Variants in GTF2B observed in about 807,000 individuals in gnomAD.
GTF2B encodes general transcription factor IIB, also known as transcription initiation factor IIB.
In GTF2B, 20 loss-of-function variants were observed where a neutral mutation model predicts 34.6. That is an observed-to-expected ratio of 0.58 (90% CI 0.41 to 0.84). GTF2B has a LOEUF of 0.84. Ranked by LOEUF, GTF2B falls within the 40% of genes least tolerant of loss-of-function variation. GTF2B has a pLI of 0.00. For synonymous variants in GTF2B, 142 were observed against 132.4 expected, an observed-to-expected ratio of 1.07 and a Z score of -0.50; for missense variants, 237 against 393.3, an observed-to-expected ratio of 0.60 and a Z score of 3.36.
intron 2 of GTF2B, among the ~76,000 whole-genome samples, chr1:88,872,998 T>A (rs1673733616): frequency 6.6e-6 from 1 of 152,144 alleles, no homozygotes; most frequent in Non-Finnish European, 1.5e-5. Flanking sequence ...TACAGTTTTA[T>A]ATTCATAAGC....
intron 1 of GTF2B, chr1:88,888,124 ATTC>A (rs1382299711): frequency 6.6e-6 from 1 of 152,226 alleles, no homozygotes; most frequent in Admixed American, 6.5e-5. Context: ...ACAATCATAA[ATTC>A]TTGGTATCAC....
intron 2 of GTF2B, among the ~76,000 whole-genome samples, chr1:88,881,156 C>T (rs561205166): frequency 2.7e-4 from 38 of 142,526 alleles, no homozygotes; most frequent in African/African-American, 9.2e-4. Flanking sequence ...TAAATACATG[C>T]TAGGTATGTA....
chr1:88,863,835 T>A, intron 3 of GTF2B, 146 bp downstream of exon 3: 1 of 676,678 alleles, frequency 1.5e-6, no homozygotes, highest in Non-Finnish European at 2.6e-6. Flanking sequence ...AAGTTAGCCA[T>A]CATTCACAAT....
chr1:88,885,593 A>T (rs78954187), intron 2 of GTF2B, among the ~76,000 whole-genome samples: 1 of 152,050 alleles, frequency 6.6e-6, no homozygotes, highest in African/African-American at 2.4e-5. Flanking sequence ...ACTAAAAAAA[A>T]TACAAAATTA....
At chr1:88,872,526 T>G (rs1258979161) in intron 2 of GTF2B, among the ~76,000 whole-genome samples, 1 of 144,596 alleles carries the variant, frequency 6.9e-6, no homozygotes, top group Non-Finnish European at 1.5e-5. Context: ...TCTATTAATA[T>G]AATTTTTTAA....
At chr1:88,861,933 G>T (rs904009496) in intron 3 of GTF2B, among the ~76,000 whole-genome samples, 1 of 152,100 alleles carries the variant, frequency 6.6e-6, no homozygotes, top group Non-Finnish European at 1.5e-5. Flanking sequence ...ATATATTAAA[G>T]AATCTAATAA....
intron 2 of GTF2B, among the ~76,000 whole-genome samples, chr1:88,871,779 T>TG (rs1383886997): frequency 6.6e-6 from 1 of 152,136 alleles, no homozygotes; most frequent in African/African-American, 2.4e-5. Context: ...TTGGCCAGGG[T>TG]GGAATGCAAT....
At chr1:88,873,182 GTTTTTTTT>G (rs869087763) in intron 2 of GTF2B, among the ~76,000 whole-genome samples, 6 of 100,448 alleles carry the variant, frequency 6.0e-5, no homozygotes, top group South Asian at 3.6e-4. Context: ...ATTCCATTAA[GTTTTTTTT>G]TTTTTTTTTT....
At chr1:88,891,192 G>C (rs1330997727) in intron 1 of GTF2B, among the ~76,000 whole-genome samples, 1 of 149,426 alleles carries the variant, frequency 6.7e-6, no homozygotes, top group African/African-American at 2.5e-5. Flanking sequence ...TTGAAATATT[G>C]GGAAAAGATA....
chr1:88,891,417 C>A, intron 1 of GTF2B, 66 bp downstream of exon 1: 1 of 1,328,914 alleles, frequency 7.5e-7, no homozygotes, highest in Middle Eastern at 1.8e-4. Context: ...TGCCCGGAGG[C>A]CGCCTAAAAG....
chr1:88,868,796 C>T (rs1673618188), intron 2 of GTF2B, among the ~76,000 whole-genome samples: 2 of 151,408 alleles, frequency 1.3e-5, no homozygotes. Flanking sequence ...AGTGCAGTGG[C>T]TCAATCTCGG....
Position 88,882,125 on chromosome 1 carries a change from C to T in GTF2B, c.124+5136G>A, listed in dbSNP as rs535566705. On this transcript the variant is annotated intron_variant, in intron 2 of 6. Coordinates refer to ENST00000370500, the MANE Select transcript of GTF2B (RefSeq NM_001514.6). ...AGGAGTTTAAAACTAGCCTGGACAA[C>T]GTGGTGAAACCCTGTCTCTACTAAA... is the stretch of plus-strand genomic sequence containing the variant. Among the ~76,000 whole-genome samples the T allele has an allele frequency of 7.2e-5, 11 of 151,946 alleles. No homozygotes were observed. In the East Asian group the frequency reaches 1.9e-3, roughly 27 times the overall value.
At chr1:88,862,016 T>C (rs1206343223) in intron 3 of GTF2B, among the ~76,000 whole-genome samples, 1 of 151,918 alleles carries the variant, frequency 6.6e-6, no homozygotes, top group Admixed American at 6.6e-5. Flanking sequence ...AAAATGCAAG[T>C]GAACAAACCT....
chr1:88,857,092 C>T (rs973850370), intron 6 of GTF2B, 114 bp downstream of exon 6: 25 of 940,202 alleles, frequency 2.7e-5, no homozygotes, highest in African/African-American at 1.8e-4. Flanking sequence ...TGAGCCCCCG[C>T]GCCTGGTCAA....
intron 2 of GTF2B, among the ~76,000 whole-genome samples, chr1:88,886,829 A>C (rs1250989045): frequency 1.3e-5 from 2 of 152,134 alleles, no homozygotes; most frequent in African/African-American, 4.8e-5. Flanking sequence ...TTTTGCAATA[A>C]ATTATTTGTT....
chr1:88,870,933 G>A (rs568299167), intron 2 of GTF2B, among the ~76,000 whole-genome samples: 45 of 125,926 alleles, frequency 3.6e-4, no homozygotes, highest in African/African-American at 1.4e-3. Flanking sequence ...ATGGAGTCTC[G>A]CTCAGTCACC....
At chr1:88,856,146 T>C (rs1673297844) in intron 6 of GTF2B, among the ~76,000 whole-genome samples, 1 of 151,756 alleles carries the variant, frequency 6.6e-6, no homozygotes, top group Non-Finnish European at 1.5e-5. Flanking sequence ...GGCACGTGGC[T>C]GTAGTCCCAG....
In GTF2B at chr1:88,887,293, T is replaced by TCAC; in HGVS notation, c.89_91dup (p.Gly30dup). ...CAAGCCACATTCAGGACAGATCATA[T>TCAC]CACCGGCTCTGTAGTCCTCCACTAA... is the stretch of plus-strand genomic sequence containing the variant. On this transcript the variant is annotated inframe_insertion, in exon 2 of 7. Transcript: ENST00000370500. The TCAC allele has an allele frequency of 6.2e-7, 1 of 1,611,240 alleles. No homozygotes were observed. Among genetic ancestry groups the TCAC allele is most frequent in the Non-Finnish European group, 8.5e-7 (1 of 1,177,420 alleles).
intron 2 of GTF2B, among the ~76,000 whole-genome samples, chr1:88,886,823 G>T (rs1277588153): frequency 6.7e-6 from 1 of 150,242 alleles, no homozygotes; most frequent in African/African-American, 2.5e-5. Context: ...TTGTTTTTTT[G>T]CAATAAATTA....
Sources: gnomAD v4.1 joint callset for allele counts (sites outside exome capture counted in the v4.1 genomes callset) on GRCh38, gnomAD v4.1.1 for gene constraint, MANE v1.5 for transcripts, NCBI Gene and HGNC (gene_info 2026-07-23, HGNC 2026-07-21) for gene names.